Variants in ZRANB1 observed in about 807,000 individuals in gnomAD.
ZRANB1 encodes the protein ubiquitin thioesterase ZRANB1.
ZRANB1 carries 16 observed loss-of-function variants against 80.5 expected under a neutral mutation model. That is an observed-to-expected ratio of 0.20 (90% CI 0.13 to 0.30). The LOEUF is 0.30. Ranked by LOEUF, ZRANB1 falls within the 10% of genes least tolerant of loss-of-function variation. ZRANB1 has a pLI of 1.00. For synonymous variants in ZRANB1, 291 were observed against 293.1 expected (o/e 0.99, Z 0.07); for missense variants, 576 against 862.6 (o/e 0.67, Z 4.16).
At chr10:124,931,530 C>T in the ZRANB1 span, among the ~76,000 whole-genome samples, 2 of 152,044 alleles carry the variant, frequency 1.3e-5, no homozygotes, top group Non-Finnish European at 2.9e-5. Context: ...ACCACGACTC[C>T]CGGCTAATTT....
chr10:124,917,243 AGGAGCTGGAGGAGGAGCC>A, the ZRANB1 span: 10 of 158,462 alleles, frequency 6.3e-5, no homozygotes, highest in Non-Finnish European at 1.3e-4. Context: ...GAGGAGGAGC[AGGAGCTGGAGGAGGAGCC>A]GCCGCCGCCA....
chr10:124,975,531 T>C (rs923702494), intron 5 of ZRANB1, among the ~76,000 whole-genome samples: 1 of 152,242 alleles, frequency 6.6e-6, no homozygotes, highest in Non-Finnish European at 1.5e-5. Flanking sequence ...TTTAACAGCA[T>C]GCAATCACTG....
intron 2 of ZRANB1, among the ~76,000 whole-genome samples, chr10:124,968,695 A>T (rs1268843649): frequency 1.3e-5 from 2 of 152,194 alleles, no homozygotes; most frequent in Non-Finnish European, 2.9e-5. Context: ...GCCAGGATAA[A>T]GAAGGTGGTT....
intron 5 of ZRANB1, among the ~76,000 whole-genome samples, chr10:124,980,692 T>C (rs1389106079): frequency 6.6e-6 from 1 of 152,268 alleles, no homozygotes; most frequent in Non-Finnish European, 1.5e-5. Context: ...TATATTTTAA[T>C]TTCTTTAGGA....
intron 2 of ZRANB1, among the ~76,000 whole-genome samples, chr10:124,968,461 G>A (rs1458518866): frequency 6.6e-6 from 1 of 152,194 alleles, no homozygotes; most frequent in Non-Finnish European, 1.5e-5. Context: ...GGGCTTGAGA[G>A]ACTGAAGGCC....
rs1365355801 is a variant in ZRANB1 at position 124,952,772 on chromosome 10, A to C, written c.814+9465A>C. Among the ~76,000 whole-genome samples the C allele has an allele frequency of 3.3e-5, 5 of 152,000 alleles. No homozygotes were observed. The East Asian group carries it at 9.7e-4, about 30-fold the overall frequency. On this transcript the variant is annotated intron_variant, in intron 1 of 8. Coordinates refer to ENST00000359653, the MANE Select transcript of ZRANB1 (RefSeq NM_017580.3). Reference sequence around the variant, plus strand: ...ATTATAGGCGCCCGCCAACATTCCCAGCTAATTTTTGTATTTTTAGTAGAG... The same window carrying C: ...ATTATAGGCGCCCGCCAACATTCCCCGCTAATTTTTGTATTTTTAGTAGAG...
chr10:124,984,177 A>T (rs1243079066), intron 8 of ZRANB1: 2 of 156,844 alleles, frequency 1.3e-5, no homozygotes, highest in Non-Finnish European at 2.8e-5. Context: ...TTTACCCAGA[A>T]GAGGAACATT....
At chr10:124,984,696 T>C in intron 8 of ZRANB1, 78 bp from the exon 9 acceptor site, 2 of 1,436,996 alleles carry the variant, frequency 1.4e-6, no homozygotes, top group Admixed American at 3.9e-5. Flanking sequence ...ATACCAGCTG[T>C]AGGTTTCCAT....
intron 3 of ZRANB1, among the ~76,000 whole-genome samples, chr10:124,972,383 T>A (rs1951834922): frequency 6.6e-6 from 1 of 152,238 alleles, no homozygotes; most frequent in South Asian, 2.1e-4. Flanking sequence ...AAATCTGTTG[T>A]ACTCTTTTAT....
At chr10:124,963,706 T>C (rs1165260068) in intron 1 of ZRANB1, among the ~76,000 whole-genome samples, 1 of 152,042 alleles carries the variant, frequency 6.6e-6, no homozygotes, top group Non-Finnish European at 1.5e-5. Flanking sequence ...CAAAAACGTG[T>C]CTATGAAGTA....
chr10:124,952,006 A>T (rs375165748), intron 1 of ZRANB1, among the ~76,000 whole-genome samples: 4 of 152,128 alleles, frequency 2.6e-5, no homozygotes, highest in African/African-American at 9.7e-5. Flanking sequence ...TATTGATGAA[A>T]TAAGTTATAA....
chr10:124,978,745 GC>G (rs1564967511), intron 5 of ZRANB1, among the ~76,000 whole-genome samples: 1 of 151,242 alleles, frequency 6.6e-6, no homozygotes, highest in Non-Finnish European at 1.5e-5. Flanking sequence ...TCCCACCTCA[GC>G]CTCCCAAGTA....
chr10:124,923,881 G>A, the ZRANB1 span, among the ~76,000 whole-genome samples: 2 of 151,840 alleles, frequency 1.3e-5, no homozygotes, highest in South Asian at 2.1e-4. Flanking sequence ...AATGAGATTT[G>A]GGTGGGGACA....
At chr10:124,926,217 T>A in the ZRANB1 span, among the ~76,000 whole-genome samples, 2 of 152,206 alleles carry the variant, frequency 1.3e-5, no homozygotes, top group Non-Finnish European at 2.9e-5. Flanking sequence ...ACTGTAGACT[T>A]CATAGACAGT....
intron 6 of ZRANB1, among the ~76,000 whole-genome samples, chr10:124,982,447 C>T (rs1589857301): frequency 1.3e-5 from 2 of 152,180 alleles, no homozygotes; most frequent in African/African-American, 4.8e-5. Context: ...AGTTTGCTAA[C>T]GTCTTTTTAT....
At chr10:124,978,086 G>T (rs112595466) in intron 5 of ZRANB1, among the ~76,000 whole-genome samples, 24 of 152,324 alleles carry the variant, frequency 1.6e-4, no homozygotes, top group African/African-American at 5.8e-4. Flanking sequence ...GTGAAAATTA[G>T]TGGTTAGATA....
intron 1 of ZRANB1, among the ~76,000 whole-genome samples, chr10:124,944,948 A>G: frequency 6.6e-6 from 1 of 152,000 alleles, no homozygotes; most frequent in East Asian, 1.9e-4. Context: ...ATACCGGGCT[A>G]TCTTCTGTCT....
intron 3 of ZRANB1, 46 bp downstream of exon 3, chr10:124,972,164 G>T (rs757424753): frequency 6.3e-7 from 1 of 1,578,914 alleles, no homozygotes; most frequent in Non-Finnish European, 8.6e-7. Context: ...TTTTATTATA[G>T]TTACATTTGT....
At chr10:124,965,754 C>T (rs1036232581) in intron 1 of ZRANB1, among the ~76,000 whole-genome samples, 2 of 152,116 alleles carry the variant, frequency 1.3e-5, no homozygotes. Context: ...AAATTGGAAG[C>T]TAATCTACTG....
Sources: allele counts gnomAD v4.1 joint callset (sites outside exome capture counted in the v4.1 genomes callset), GRCh38; gene constraint gnomAD v4.1.1; transcripts MANE v1.5; gene names NCBI Gene and HGNC (gene_info 2026-07-23, HGNC 2026-07-21).